Variants in SSH2 observed in about 807,000 individuals in gnomAD.
SSH2 encodes the protein slingshot protein phosphatase 2.
A neutral mutation model predicts 135.2 loss-of-function variants in SSH2; 37 were observed. The observed-to-expected ratio is 0.27, with a 90% CI of 0.21 to 0.36. The LOEUF (loss-of-function observed/expected upper bound fraction) is 0.36, where lower values mean the gene tolerates loss of function less well. SSH2 is among the 10% of genes least tolerant of loss of function. The pLI, the probability that SSH2 is intolerant of heterozygous loss-of-function variation, is 1.00. For synonymous variants in SSH2, 628 were observed against 646.2 expected (o/e 0.97, Z 0.43); for missense variants, 1,408 against 1,765.3 (o/e 0.80, Z 3.63).
At position 29,648,363 on chromosome 17, in the gene SSH2, G is replaced by T. The variant is rs1427729538; in HGVS notation, c.1227-19C>A. 3 of 1,581,366 alleles carry T rather than the reference G, an allele frequency of 1.9e-6. No individual in the cohort carries two copies. The highest frequency in any genetic ancestry group is 2.6e-6 in the Non-Finnish European group (3 of 1,162,166). ...ATGTTTCCTTGTTTGGGGGATTGAG[G>T]TAAAGAATAGAGGAAAATACAATAG... On this transcript the variant is annotated intron_variant, in intron 13 of 15. Coordinates refer to ENST00000540801, the MANE Select transcript of SSH2 (RefSeq NM_001282129.2).
chr17:29,856,156 A>C (rs4794861), intron 1 of SSH2: 136,755 of 290,238 alleles, frequency 0.47, 35,005 homozygotes, highest in East Asian at 0.81. Context: ...GTTGCTTATT[A>C]AGTTATCTTA....
At chr17:29,673,098 T>G (rs1259195030) in intron 8 of SSH2, among the ~76,000 whole-genome samples, 1 of 152,178 alleles carries the variant, frequency 6.6e-6, no homozygotes, top group East Asian at 1.9e-4. Flanking sequence ...AGTATGTTTT[T>G]CATTATATAT....
At chr17:29,661,588 T>C (rs923743769) in intron 11 of SSH2, among the ~76,000 whole-genome samples, 11 of 152,192 alleles carry the variant, frequency 7.2e-5, no homozygotes, top group Admixed American at 5.9e-4. Context: ...AAAACAAGCT[T>C]CTGCACCAAA....
intron 3 of SSH2, among the ~76,000 whole-genome samples, chr17:29,761,871 G>GTGTATA (rs1334168372): frequency 1.4e-4 from 14 of 98,774 alleles, no homozygotes; most frequent in African/African-American, 6.1e-4. Flanking sequence ...GTGTGTGTGT[G>GTGTATA]TATATATATA....
At chr17:29,714,530 A>T (rs940927730) in intron 3 of SSH2, among the ~76,000 whole-genome samples, 1 of 151,416 alleles carries the variant, frequency 6.6e-6, no homozygotes, top group African/African-American at 2.4e-5. Flanking sequence ...TATCCTTGTC[A>T]CTCTTTTTTT....
chr17:29,753,277 CCCA>C (rs1194052338), intron 3 of SSH2, among the ~76,000 whole-genome samples: 6 of 151,890 alleles, frequency 4.0e-5, no homozygotes, highest in South Asian at 2.1e-4. Flanking sequence ...ATTACAGGCA[CCCA>C]CCATCATGCC....
Position 29,632,820 on chromosome 17 carries a change from G to T in SSH2, c.2374C>A (p.Gln792Lys). 7 of 1,614,174 alleles carry T rather than the reference G, an allele frequency of 4.3e-6. 1 individual carries two copies. The highest frequency in any genetic ancestry group is 5.1e-6 in the Non-Finnish European group (6 of 1,180,040). ...AAGATGTCTCCTTTCAGTTGAATCTGCCCAACTCCTTGACTGATGGACTCA... is the reference window on the plus strand; with the variant it reads ...AAGATGTCTCCTTTCAGTTGAATCTTCCCAACTCCTTGACTGATGGACTCA... Reference protein sequence around the residue: ...EIESISQGVGQIQLKGDILPN... With the variant: ...EIESISQGVGKIQLKGDILPN... Residue 792 changes from glutamine (Q) to lysine (K), a missense_variant, in exon 16 of 16, where the codon CAG becomes AAG. Gln to Lys is a moderately conservative substitution (Grantham distance 53). This residue lies in a region of SSH2 where 1,080 missense variants were observed against 1,144.5 expected (regional missense o/e 0.94). Coordinates refer to ENST00000540801, the MANE Select transcript of SSH2 (RefSeq NM_001282129.2).
intron 11 of SSH2, among the ~76,000 whole-genome samples, chr17:29,658,285 C>G (rs2057188631): frequency 1.3e-5 from 2 of 151,940 alleles, no homozygotes; most frequent in African/African-American, 4.8e-5. Context: ...TACAGACAGG[C>G]ATGAGCCATT....
At chr17:29,634,756 T>C (rs966844292) in intron 15 of SSH2, among the ~76,000 whole-genome samples, 2 of 152,036 alleles carry the variant, frequency 1.3e-5, no homozygotes, top group African/African-American at 4.8e-5. Flanking sequence ...TTTCACCATG[T>C]TGGCCAGGAT....
At chr17:29,918,195 A>G (rs2066916332) in intron 1 of SSH2, among the ~76,000 whole-genome samples, 1 of 152,092 alleles carries the variant, frequency 6.6e-6, no homozygotes, top group Non-Finnish European at 1.5e-5. Flanking sequence ...CAAATAATCA[A>G]TCAATCAATC....
rs1598970174 is a variant in SSH2, at chr17:29,770,108, T to TG, written c.188+23785_188+23786insC. On this transcript the variant is annotated intron_variant, in intron 3 of 15. Transcript: ENST00000540801. ...CTATATTTAGTTTTTTTTTTTTTTTTTTTTTTTTTTTAACAGAGTCTCACT... is the reference window on the plus strand; with the variant it reads ...CTATATTTAGTTTTTTTTTTTTTTTTGTTTTTTTTTTTAACAGAGTCTCACT... Among the ~76,000 whole-genome samples, 15 of 148,484 alleles carry TG rather than the reference T, an allele frequency of 1.0e-4. No individual in the cohort carries two copies. In the East Asian group the frequency reaches 1.2e-3, roughly 12 times the overall value.
intron 7 of SSH2, among the ~76,000 whole-genome samples, 180 bp downstream of exon 7, chr17:29,677,493 C>A (rs1258862544): frequency 6.6e-6 from 1 of 152,166 alleles, no homozygotes; most frequent in Admixed American, 6.5e-5. Flanking sequence ...AAGTGAGAGA[C>A]CCTGGCAAGT....
intron 14 of SSH2, among the ~76,000 whole-genome samples, chr17:29,640,356 G>GT (rs35953210): frequency 0.4 from 60,315 of 151,880 alleles, 14,431 homozygotes; most frequent in East Asian, 0.7. Context: ...GATTATAGGC[G>GT]TGAGCCACCA....
intron 12 of SSH2, among the ~76,000 whole-genome samples, chr17:29,654,805 C>T (rs2036717055): frequency 6.6e-6 from 1 of 152,114 alleles, no homozygotes; most frequent in Non-Finnish European, 1.5e-5. Context: ...GAAGCTTGTC[C>T]AGTTCACAAC....
In SSH2 at chr17:29,626,180, G is replaced by T. The variant is rs1046231; in HGVS notation, c.*4661C>A. On this transcript the variant is annotated 3_prime_UTR_variant, in exon 16 of 16. Coordinates refer to ENST00000540801, the MANE Select transcript of SSH2 (RefSeq NM_001282129.2). ...GAGCACCTGCTTTAATAAAACATGA[G>T]CATAAAAGTTTGGGGTGGCTTGGGG... 1 of 152,140 alleles carries T rather than the reference G, an allele frequency of 6.6e-6. No individual in the cohort carries two copies. The highest frequency in any genetic ancestry group is 1.5e-5 in the Non-Finnish European group (1 of 67,974). 9.4% of individuals were successfully genotyped at this position (152,140 alleles called of 1,614,324 possible).
At chr17:29,927,749 G>A (rs557025366) in intron 1 of SSH2, among the ~76,000 whole-genome samples, 50 of 152,314 alleles carry the variant, frequency 3.3e-4, no homozygotes, top group African/African-American at 1.2e-3. Context: ...AAAGGAAGCT[G>A]GCTTATCAGT....
intron 1 of SSH2, among the ~76,000 whole-genome samples, chr17:29,901,533 T>G (rs1359988189): frequency 6.6e-6 from 1 of 152,168 alleles, no homozygotes; most frequent in Admixed American, 6.5e-5. Flanking sequence ...TGCTCATGAA[T>G]ACAATATAGG....
rs568037289 is a variant in SSH2, at chr17:29,839,937, A to C, written c.144+8912T>G. Among the ~76,000 whole-genome samples, 5 of 152,332 alleles carry C rather than the reference A, an allele frequency of 3.3e-5. No homozygotes were observed. The South Asian group carries it at 1.0e-3, about 32-fold the overall frequency. On this transcript the variant is annotated intron_variant, in intron 2 of 15. Transcript: ENST00000540801. Reference sequence around the variant, plus strand: ...TCACCTTTAAACAGGGACTACTAAAAGTATTTGCCTCAAAGACTTGGATTC... The same window carrying C: ...TCACCTTTAAACAGGGACTACTAAACGTATTTGCCTCAAAGACTTGGATTC...
chr17:29,648,210 G>A lies in SSH2; in HGVS notation c.1361C>T (p.Thr454Met), dbSNP rs181534148. 4 of 1,614,112 alleles carry A rather than the reference G, an allele frequency of 2.5e-6. No individual in the cohort carries two copies. The highest frequency in any genetic ancestry group is 3.3e-5 in the Admixed American group (2 of 60,018). The change falls in exon 14 of 16, where the codon ACG becomes ATG. Residue 454 changes from threonine to methionine, a missense_variant. Coordinates refer to ENST00000540801, the MANE Select transcript of SSH2 (RefSeq NM_001282129.2). ...GAAGCTTGGGTTGGGCTTGGTTACC[G>A]TTCGTCTTTCTTTCACATAGTCATA... ...RAYDYVKERR[T>M]VTKPNPSFMR...
Sources: allele counts gnomAD v4.1 joint callset (sites outside exome capture counted in the v4.1 genomes callset), GRCh38; gene constraint gnomAD v4.1.1; regional missense constraint gnomAD v4.1.1; transcripts MANE v1.5; gene names NCBI Gene and HGNC (gene_info 2026-07-23, HGNC 2026-07-21).